The following B3GALT1 variants were observed in gnomAD, a reference collection of about 807,000 sequenced individuals.
B3GALT1 encodes the protein beta-1,3-galactosyltransferase 1.
A neutral mutation model predicts 23.2 loss-of-function variants in B3GALT1; 10 were observed. That is an observed-to-expected ratio of 0.43 (90% CI 0.27 to 0.73). The LOEUF (loss-of-function observed/expected upper bound fraction) is 0.73. B3GALT1 is among the 30% of genes least tolerant of loss of function. B3GALT1 has a pLI of 0.21. For missense variants in B3GALT1, 299 were observed against 405.4 expected, an observed-to-expected ratio of 0.74 and a Z score of 2.25; for synonymous variants, 156 against 141.5, an observed-to-expected ratio of 1.10 and a Z score of -0.73.
intron 3 of B3GALT1, among the ~76,000 whole-genome samples, chr2:167,805,093 T>C (rs1688723636): frequency 6.6e-6 from 1 of 152,258 alleles, no homozygotes; most frequent in Non-Finnish European, 1.5e-5. Flanking sequence ...ATGAGCATTT[T>C]TTCATGTGTC....
rs1220220176 is a variant in B3GALT1, at chr2:167,518,036, C to CAAA, written c.-410+27765_-410+27767dup. ...TCTAAATTTACAACAACAACAACAA[C>CAAA]AAAAAAAATTGTATTTGTTTTCTTT... On this transcript the variant is annotated intron_variant, in intron 2 of 4. Coordinates refer to ENST00000392690, the MANE Select transcript of B3GALT1 (RefSeq NM_020981.4). Among the ~76,000 whole-genome samples, 3 of 151,604 alleles carry CAAA rather than the reference C, an allele frequency of 2.0e-5. No individual in the cohort carries two copies. The East Asian group carries it at 5.8e-4, about 29-fold the overall frequency.
chr2:167,293,486 C>T (rs555801425), intron 1 of B3GALT1, among the ~76,000 whole-genome samples, 152 bp downstream of exon 1: 2 of 152,286 alleles, frequency 1.3e-5, no homozygotes, highest in East Asian at 1.9e-4. Flanking sequence ...CTGCCCGCGC[C>T]CGTGCGGCTC....
chr2:167,464,594 T>A (rs1294095442), intron 1 of B3GALT1, among the ~76,000 whole-genome samples: 5 of 152,172 alleles, frequency 3.3e-5, no homozygotes, highest in Non-Finnish European at 7.4e-5. Flanking sequence ...GTGGTTATGA[T>A]CATAGGGGGT....
chr2:167,560,280 T>C (rs935517738), intron 2 of B3GALT1, among the ~76,000 whole-genome samples: 1 of 152,092 alleles, frequency 6.6e-6, no homozygotes, highest in Non-Finnish European at 1.5e-5. Context: ...CCACCAGGCC[T>C]GCCCTCAAAG....
intron 3 of B3GALT1, among the ~76,000 whole-genome samples, chr2:167,653,883 C>T (rs1469119659): frequency 1.3e-5 from 2 of 152,160 alleles, no homozygotes; most frequent in Non-Finnish European, 2.9e-5. Flanking sequence ...TCCAAGGTCC[C>T]ACCATGCATT....
At chr2:167,413,504 C>T (rs1203191039) in intron 1 of B3GALT1, among the ~76,000 whole-genome samples, 3 of 151,914 alleles carry the variant, frequency 2.0e-5, no homozygotes, top group African/African-American at 7.2e-5. Context: ...ATTACTTCCT[C>T]CTATTTTGTC....
intron 1 of B3GALT1, among the ~76,000 whole-genome samples, chr2:167,482,296 A>G (rs1159781833): frequency 1.3e-5 from 2 of 152,242 alleles, no homozygotes; most frequent in African/African-American, 4.8e-5. Context: ...AATCTCCATT[A>G]TGTCTAGGTT....
At chr2:167,773,678 C>T (rs1368523412) in intron 3 of B3GALT1, among the ~76,000 whole-genome samples, 1 of 152,210 alleles carries the variant, frequency 6.6e-6, no homozygotes, top group South Asian at 2.1e-4. Context: ...GCAAAGTGCT[C>T]ACTGCATGGA....
chr2:167,512,733 C>A (rs1446137594), intron 2 of B3GALT1, among the ~76,000 whole-genome samples: 1 of 146,876 alleles, frequency 6.8e-6, no homozygotes, highest in Admixed American at 6.9e-5. Context: ...AGCTCATGGG[C>A]TCAAATGATC....
chr2:167,809,675 G>A lies in B3GALT1; in HGVS notation c.-351-8997G>A, dbSNP rs1336311615. ...GTCTCAGAGGAGTACCCAGCCGTATGAGGTGTCAGTCTGCCCCTACTGGGG... is the reference window on the plus strand; with the variant it reads ...GTCTCAGAGGAGTACCCAGCCGTATAAGGTGTCAGTCTGCCCCTACTGGGG... On this transcript the variant is annotated intron_variant, in intron 3 of 4. Transcript: ENST00000392690. Among the ~76,000 whole-genome samples the A allele has an allele frequency of 6.6e-5, 10 of 152,328 alleles. No individual in the cohort carries two copies. In the East Asian group the frequency reaches 1.9e-3, roughly 29 times the overall value.
intron 3 of B3GALT1, among the ~76,000 whole-genome samples, chr2:167,703,221 C>T (rs540149858): frequency 6.6e-6 from 1 of 152,162 alleles, no homozygotes; most frequent in Non-Finnish European, 1.5e-5. Flanking sequence ...AAATGAGGCT[C>T]AGTAAGGTTT....
chr2:167,750,367 C>T (rs1185573647), intron 3 of B3GALT1, among the ~76,000 whole-genome samples: 3 of 152,160 alleles, frequency 2.0e-5, no homozygotes, highest in Non-Finnish European at 4.4e-5. Flanking sequence ...ATTGGTATTT[C>T]TGAATCCCCA....
At chr2:167,380,356 G>GC (rs1697830895) in intron 1 of B3GALT1, among the ~76,000 whole-genome samples, 1 of 152,178 alleles carries the variant, frequency 6.6e-6, no homozygotes, top group Non-Finnish European at 1.5e-5. Flanking sequence ...AGGTTGCCAA[G>GC]CTGGCCCTCA....
chr2:167,859,521 AC>A (rs1245162822), intron 4 of B3GALT1, among the ~76,000 whole-genome samples: 14 of 151,498 alleles, frequency 9.2e-5, no homozygotes, highest in African/African-American at 3.4e-4. Flanking sequence ...CATCCCAACC[AC>A]TCCTCTTTCA....
intron 2 of B3GALT1, among the ~76,000 whole-genome samples, chr2:167,598,795 A>G (rs1684826194): frequency 6.6e-6 from 1 of 152,170 alleles, no homozygotes; most frequent in Admixed American, 6.5e-5. Context: ...AAATGGCTTC[A>G]ATTATTCCAT....
At chr2:167,384,604 G>A (rs1697898518) in intron 1 of B3GALT1, among the ~76,000 whole-genome samples, 1 of 152,064 alleles carries the variant, frequency 6.6e-6, no homozygotes, top group Non-Finnish European at 1.5e-5. Context: ...CCCTCATGCT[G>A]TCAGTCACTG....
At chr2:167,606,632 G>C (rs1227106) in intron 2 of B3GALT1, among the ~76,000 whole-genome samples, 121,965 of 152,108 alleles carry the variant, frequency 0.8, 48,983 homozygotes, top group Admixed American at 0.87. Context: ...AGAATTGTTT[G>C]ACGTTTTGAA....
intron 3 of B3GALT1, among the ~76,000 whole-genome samples, chr2:167,649,781 A>G (rs565857635): frequency 4.6e-5 from 7 of 152,154 alleles, no homozygotes; most frequent in East Asian, 1.9e-4. Context: ...CAAGTTTACC[A>G]AATTTGTTTA....
At chr2:167,500,600 T>TAC (rs1159211518) in intron 2 of B3GALT1, among the ~76,000 whole-genome samples, 1 of 151,106 alleles carries the variant, frequency 6.6e-6, no homozygotes, top group African/African-American at 2.4e-5. Context: ...GGCTCTGTGC[T>TAC]ACACAAGGAT....
Sources: allele counts gnomAD v4.1 joint callset (sites outside exome capture counted in the v4.1 genomes callset), GRCh38; gene constraint gnomAD v4.1.1; transcripts MANE v1.5; gene names NCBI Gene and HGNC (gene_info 2026-07-23, HGNC 2026-07-21).